Variants in GASK1B observed in about 807,000 individuals in gnomAD.
GASK1B encodes the protein Golgi-associated kinase 1B.
GASK1B carries 34 observed loss-of-function variants against 42.8 expected under a neutral mutation model. The observed-to-expected ratio is 0.79, with a 90% confidence interval of 0.60 to 1.06. The LOEUF is 1.06. Ranked by LOEUF, GASK1B falls within the 50% of genes least tolerant of loss-of-function variation. The pLI, the probability that GASK1B is intolerant of heterozygous loss-of-function variation, is 0.00. For synonymous variants in GASK1B, 262 were observed against 259.1 expected (o/e 1.01, Z -0.11); for missense variants, 686 against 661.0 (o/e 1.04, Z -0.42).
chr4:158,127,868 A>G (rs2245735), intron 4 of GASK1B, among the ~76,000 whole-genome samples: 33,144 of 152,054 alleles, frequency 0.22, 3,973 homozygotes, highest in Admixed American at 0.28. Context: ...CATTCCGTAC[A>G]CTCAAACAAA....
At chr4:158,162,984 A>G (rs1361038444) in intron 2 of GASK1B, among the ~76,000 whole-genome samples, 2 of 152,174 alleles carry the variant, frequency 1.3e-5, no homozygotes, top group Non-Finnish European at 2.9e-5. Context: ...CAGGGAACAT[A>G]TATTATTCTT....
In GASK1B at chr4:158,171,450, C is replaced by T. The variant is rs1211223806; in HGVS notation, c.-75G>A. On this transcript the variant is annotated 5_prime_UTR_variant, in exon 2 of 5. Transcript: ENST00000585682. ...TCCTGCTAATGTGATGCATGGTTTCCTGACTTCAGCTGCCGCGTCCGCTTC... is the reference window on the plus strand; with the variant it reads ...TCCTGCTAATGTGATGCATGGTTTCTTGACTTCAGCTGCCGCGTCCGCTTC... The T allele has an allele frequency of 3.4e-6, 5 of 1,451,382 alleles. No homozygotes were observed. The highest frequency in any genetic ancestry group is 4.6e-6 in the Non-Finnish European group (5 of 1,094,274). 89.9% of individuals were successfully genotyped at this position (1,451,382 alleles called of 1,614,324 possible).
intron 2 of GASK1B, chr4:158,169,919 C>T: frequency 6.4e-6 from 2 of 312,892 alleles, no homozygotes; most frequent in African/African-American, 2.1e-5. Flanking sequence ...CCAATTTTTG[C>T]TCATTCTTTT....
chr4:158,169,971 G>T (rs550875663), intron 2 of GASK1B: 3 of 443,058 alleles, frequency 6.8e-6, no homozygotes, highest in South Asian at 8.7e-5. Flanking sequence ...AAAAAAAAAG[G>T]GGGGGTTAAA....
chr4:158,133,783 A>G (rs571685655), intron 3 of GASK1B, among the ~76,000 whole-genome samples: 49 of 152,334 alleles, frequency 3.2e-4, no homozygotes, highest in Admixed American at 5.9e-4. Context: ...TGTGCCATTC[A>G]GATCTAAGAG....
intron 3 of GASK1B, 84 bp downstream of exon 3, chr4:158,155,527 C>A (rs6830475): frequency 0.53 from 618,371 of 1,160,306 alleles, 169,117 homozygotes; most frequent in East Asian, 0.75. Context: ...ATAAAAACTC[C>A]AGGTGCTGAA....
At chr4:158,146,654 A>C (rs1402707436) in intron 3 of GASK1B, among the ~76,000 whole-genome samples, 1 of 152,226 alleles carries the variant, frequency 6.6e-6, no homozygotes, top group Non-Finnish European at 1.5e-5. Context: ...AATGGGACTG[A>C]AATGTAACTG....
intron 3 of GASK1B, among the ~76,000 whole-genome samples, chr4:158,136,897 T>C (rs370138935): frequency 6.6e-6 from 1 of 152,214 alleles, no homozygotes; most frequent in East Asian, 1.9e-4. Flanking sequence ...ACATAGTAGG[T>C]ACTCAATAAA....
chr4:158,171,506 T>A lies in GASK1B; in HGVS notation c.-131A>T. ...ATAAGTGGTCTCCAGTGGGCAGAGG[T>A]GGAAGGAAAGGGTTGGTGATGAAGC... On this transcript the variant is annotated 5_prime_UTR_variant, in exon 2 of 5. Coordinates refer to ENST00000585682, the MANE Select transcript of GASK1B (RefSeq NM_001128424.2). The A allele has an allele frequency of 1.0e-6, 1 of 955,758 alleles. No individual in the cohort carries two copies. Among genetic ancestry groups the A allele is most frequent in the Non-Finnish European group, 1.5e-6 (1 of 679,932 alleles). The allele number at this position is 955,758 out of a possible 1,614,324, so 59.2% of individuals were successfully genotyped here. A position where few individuals can be genotyped will look rare whatever the true frequency, so the allele number is the denominator to read the frequency against.
intron 3 of GASK1B, among the ~76,000 whole-genome samples, chr4:158,132,598 T>C (rs1281083504): frequency 6.6e-6 from 1 of 152,196 alleles, no homozygotes; most frequent in African/African-American, 2.4e-5. Flanking sequence ...CTGTTTACTG[T>C]ATGTAAATGG....
intron 3 of GASK1B, among the ~76,000 whole-genome samples, chr4:158,153,693 A>G (rs941167563): frequency 2.0e-5 from 3 of 152,228 alleles, no homozygotes; most frequent in Non-Finnish European, 4.4e-5. Context: ...GGACCCAGAA[A>G]TAAAGTCAAA....
intron 2 of GASK1B, chr4:158,168,417 C>T (rs949378368): frequency 6.6e-6 from 1 of 152,172 alleles, no homozygotes; most frequent in African/African-American, 2.4e-5. Context: ...CGAAGTAACA[C>T]ATGAGACTTG....
chr4:158,160,664 A>C (rs1731939711), intron 2 of GASK1B, among the ~76,000 whole-genome samples: 1 of 152,214 alleles, frequency 6.6e-6, no homozygotes, highest in South Asian at 2.1e-4. Context: ...TGTTCACTGC[A>C]GCACTACTTA....
intron 3 of GASK1B, among the ~76,000 whole-genome samples, chr4:158,140,524 A>T (rs1382773064): frequency 6.6e-6 from 1 of 152,190 alleles, no homozygotes; most frequent in African/African-American, 2.4e-5. Context: ...GCCCTCTCAG[A>T]TGTTCCTATG....
At chr4:158,154,059 C>T (rs942372368) in intron 3 of GASK1B, among the ~76,000 whole-genome samples, 2 of 151,498 alleles carry the variant, frequency 1.3e-5, no homozygotes, top group Admixed American at 6.6e-5. Flanking sequence ...AAGAAATAAT[C>T]AGCAGAGTAA....
intron 2 of GASK1B, among the ~76,000 whole-genome samples, chr4:158,156,521 C>T (rs1413268195): frequency 2.6e-5 from 4 of 152,126 alleles, no homozygotes; most frequent in Non-Finnish European, 4.4e-5. Flanking sequence ...TAACCTGTCA[C>T]TCAATTTGTT....
chr4:158,146,741 T>C (rs1731345426), intron 3 of GASK1B, among the ~76,000 whole-genome samples: 2 of 152,304 alleles, frequency 1.3e-5, no homozygotes, highest in Non-Finnish European at 1.5e-5. Flanking sequence ...AAGCAAGTTT[T>C]CTACCTCCTG....
intron 2 of GASK1B, among the ~76,000 whole-genome samples, chr4:158,161,645 T>A (rs2111006915): frequency 6.6e-6 from 1 of 152,370 alleles, no homozygotes; most frequent in East Asian, 1.9e-4. Flanking sequence ...AGACTCTTCC[T>A]GTCTCAATAT....
In GASK1B at chr4:158,141,597, C is replaced by CATTTTTTTTTTTTTTTTTTTT. The variant is rs1553958620; in HGVS notation, c.1126-10586_1126-10585insAAAAAAAAAAAAAAAAAAAAT. On this transcript the variant is annotated intron_variant, in intron 3 of 4. Coordinates refer to ENST00000585682, the MANE Select transcript of GASK1B (RefSeq NM_001128424.2). ...CATAGGTCAGTGCCTTTGTATTTAC[C>CATTTTTTTTTTTTTTTTTTTT]TTTTTTTTTTTTTTTTTTTTTTTTT... 9.7e-5 allele frequency among the ~76,000 whole-genome samples: 11 copies of CATTTTTTTTTTTTTTTTTTTT among 113,694 alleles called. 5 individuals carry two copies. The highest frequency in any genetic ancestry group is 1.2e-4 in the Non-Finnish European group (7 of 57,142). The allele number at this position is 113,694 out of a possible 152,430, so 74.6% of individuals were successfully genotyped here.
Sources: gnomAD v4.1 joint callset for allele counts (sites outside exome capture counted in the v4.1 genomes callset) on GRCh38, gnomAD v4.1.1 for gene constraint, MANE v1.5 for transcripts, NCBI Gene and HGNC (gene_info 2026-07-23, HGNC 2026-07-21) for gene names.